The following ACTN1 variants were observed in gnomAD, a reference collection of about 807,000 sequenced individuals.
ACTN1 encodes the protein actinin alpha 1.
A neutral mutation model predicts 119.6 loss-of-function variants in ACTN1; 30 were observed. That is an observed-to-expected ratio of 0.25 (90% CI 0.19 to 0.34). The LOEUF (loss-of-function observed/expected upper bound fraction) is 0.34, where lower values mean the gene tolerates loss of function less well. Ranked by LOEUF, ACTN1 falls within the 10% of genes least tolerant of loss-of-function variation. ACTN1 has a pLI of 1.00. For synonymous variants in ACTN1, 429 were observed against 472.6 expected, an observed-to-expected ratio of 0.91 and a Z score of 1.20; for missense variants, 764 against 1,223.4, an observed-to-expected ratio of 0.62 and a Z score of 5.60.
At chr14:68,896,106 G>A (rs2032860109) in intron 8 of ACTN1, among the ~76,000 whole-genome samples, 1 of 152,176 alleles carries the variant, frequency 6.6e-6, no homozygotes, top group Non-Finnish European at 1.5e-5. Context: ...CTTTCTGTAT[G>A]GCAGGCCAGG....
At chr14:68,933,729 C>A (rs2035346107) in intron 1 of ACTN1, among the ~76,000 whole-genome samples, 1 of 152,010 alleles carries the variant, frequency 6.6e-6, no homozygotes, top group Non-Finnish European at 1.5e-5. Context: ...TGCCTGTAAT[C>A]CCAGCACTTT....
intron 6 of ACTN1, among the ~76,000 whole-genome samples, chr14:68,908,110 T>C (rs1360222444): frequency 7.0e-6 from 1 of 142,586 alleles, no homozygotes; most frequent in African/African-American, 2.6e-5. Context: ...CTGTGGCTCC[T>C]CTCCTTCAGC....
chr14:68,891,311 T>C (rs2032461052), intron 10 of ACTN1, among the ~76,000 whole-genome samples: 1 of 152,188 alleles, frequency 6.6e-6, no homozygotes, highest in African/African-American at 2.4e-5. Flanking sequence ...TCAAGAAGGA[T>C]GAATAACAAA....
intron 1 of ACTN1, among the ~76,000 whole-genome samples, chr14:68,940,403 C>T (rs1242790051): frequency 6.6e-6 from 1 of 152,134 alleles, no homozygotes; most frequent in Non-Finnish European, 1.5e-5. Context: ...CTTGACCCCT[C>T]CATGTAGTTG....
At chr14:68,898,546 A>G (rs958527725) in intron 8 of ACTN1, among the ~76,000 whole-genome samples, 2 of 152,140 alleles carry the variant, frequency 1.3e-5, no homozygotes, top group African/African-American at 2.4e-5. Flanking sequence ...GACTTTCCTC[A>G]TCGGTGCCAG....
At chr14:68,904,172 AG>A (rs1266385230) in intron 7 of ACTN1, among the ~76,000 whole-genome samples, 1 of 152,034 alleles carries the variant, frequency 6.6e-6, no homozygotes, top group Non-Finnish European at 1.5e-5. Context: ...AGATGCTAGA[AG>A]GAAGCCAGGG....
chr14:68,908,771 G>A (rs1476494551), intron 6 of ACTN1, among the ~76,000 whole-genome samples: 2 of 152,170 alleles, frequency 1.3e-5, no homozygotes, highest in African/African-American at 4.8e-5. Flanking sequence ...TCCTGCATCT[G>A]TCCCCACTCC....
In ACTN1 at chr14:68,965,998, G is replaced by A. The variant is rs572923707; in HGVS notation, c.105+12954C>T. Reference sequence around the variant, plus strand: ...CTTTGGGAGGCCGAGGCAGGAGATCGTTTAAGCCCAGGAGTTTGAGACCAG... The same window carrying A: ...CTTTGGGAGGCCGAGGCAGGAGATCATTTAAGCCCAGGAGTTTGAGACCAG... On this transcript the variant is annotated intron_variant, in intron 1 of 21. Transcript: ENST00000394419. Among the ~76,000 whole-genome samples, 64 of 152,204 alleles carry A rather than the reference G, an allele frequency of 4.2e-4. 1 individual carries two copies. The highest frequency in any genetic ancestry group is 3.4e-3 in the Middle Eastern group (1 of 294).
At chr14:68,976,426 CCTT>C (rs2037062448) in intron 1 of ACTN1, among the ~76,000 whole-genome samples, 1 of 152,234 alleles carries the variant, frequency 6.6e-6, no homozygotes, top group South Asian at 2.1e-4. Context: ...AATACCACCT[CCTT>C]AATATCACCC....
At chr14:68,977,917 A>G in intron 1 of ACTN1, 1 of 455,238 alleles carries the variant, frequency 2.2e-6, no homozygotes, top group Non-Finnish European at 4.4e-6. Context: ...AGGGGTATTC[A>G]GGGTACGTGG....
At chr14:68,934,802 C>T (rs985601441) in intron 1 of ACTN1, among the ~76,000 whole-genome samples, 2 of 151,936 alleles carry the variant, frequency 1.3e-5, no homozygotes, top group African/African-American at 2.4e-5. Context: ...AACTATGTTA[C>T]TATGAAAAAA....
intron 6 of ACTN1, among the ~76,000 whole-genome samples, chr14:68,906,859 G>A (rs144488998): frequency 6.6e-6 from 1 of 152,242 alleles, no homozygotes; most frequent in Non-Finnish European, 1.5e-5. Flanking sequence ...TGTGGTGGCT[G>A]TTCCTGTAAT....
intron 1 of ACTN1, among the ~76,000 whole-genome samples, chr14:68,932,254 G>A (rs992619862): frequency 6.6e-6 from 1 of 151,540 alleles, no homozygotes; most frequent in Non-Finnish European, 1.5e-5. Flanking sequence ...GCAGAAGAAC[G>A]TGAAAAGACT....
chr14:68,881,058 C>A, intron 16 of ACTN1, 69 bp from the exon 17 acceptor site: 1 of 1,491,982 alleles, frequency 6.7e-7, no homozygotes, highest in East Asian at 2.3e-5. Flanking sequence ...GGACTGGGGC[C>A]TCCAAAATCA....
At position 68,893,640 on chromosome 14, in the gene ACTN1, C is replaced by A; in HGVS notation, c.855+15G>T. The A allele has an allele frequency of 6.2e-7, 1 of 1,612,582 alleles. No homozygotes were observed. The highest frequency in any genetic ancestry group is 8.5e-7 in the Non-Finnish European group (1 of 1,179,366). ...TCTTGCTAGAGTCAGGCCAGGTGAA[C>A]CCGGGGGTACCCACATCACTGGCCA... On this transcript the variant is annotated intron_variant, in intron 9 of 21. Transcript: ENST00000394419.
chr14:68,923,195 T>C (rs1018854263), intron 2 of ACTN1, among the ~76,000 whole-genome samples: 4 of 152,170 alleles, frequency 2.6e-5, no homozygotes, highest in African/African-American at 9.7e-5. Context: ...TCTAAGCACC[T>C]GAGACACAGA....
intron 1 of ACTN1, among the ~76,000 whole-genome samples, chr14:68,940,265 T>C (rs1214541645): frequency 1.3e-5 from 2 of 152,208 alleles, no homozygotes; most frequent in East Asian, 1.9e-4. Context: ...TTTGGTTTTT[T>C]TGGCACAGAT....
chr14:68,942,920 C>A (rs1262438194), intron 1 of ACTN1, among the ~76,000 whole-genome samples: 1 of 152,130 alleles, frequency 6.6e-6, no homozygotes, highest in South Asian at 2.1e-4. Context: ...CACACAGAGG[C>A]CTTGCATGGC....
chr14:68,972,093 G>A (rs1241794212), intron 1 of ACTN1, among the ~76,000 whole-genome samples: 1 of 152,114 alleles, frequency 6.6e-6, no homozygotes, highest in Non-Finnish European at 1.5e-5. Context: ...AGGCCAAGAG[G>A]GTTTATAGAC....
Sources: allele counts gnomAD v4.1 joint callset (sites outside exome capture counted in the v4.1 genomes callset), GRCh38; gene constraint gnomAD v4.1.1; transcripts MANE v1.5; gene names NCBI Gene and HGNC (gene_info 2026-07-23, HGNC 2026-07-21).